LAMP1: variants seen among roughly 807,000 people sequenced by gnomAD.
LAMP1 encodes lysosome associated membrane protein 1.
A neutral mutation model predicts 37.5 loss-of-function variants in LAMP1; 7 were observed. The observed-to-expected ratio is 0.19, with a 90% CI of 0.11 to 0.35. The LOEUF (loss-of-function observed/expected upper bound fraction) is 0.35. Ranked by LOEUF, LAMP1 falls within the 10% of genes least tolerant of loss-of-function variation. The pLI is 1.00. For missense variants in LAMP1, 537 were observed against 552.8 expected, an observed-to-expected ratio of 0.97 and a Z score of 0.29; for synonymous variants, 236 against 229.1, an observed-to-expected ratio of 1.03 and a Z score of -0.27.
chr13:113,305,929 A>C (rs2042595910), intron 1 of LAMP1: 1 of 152,552 alleles, frequency 6.6e-6, no homozygotes, highest in Non-Finnish European at 1.5e-5. Context: ...TAAAGCACTA[A>C]ATAGCAATAG....
chr13:113,308,324 C>CTTTTTTTT (rs71101565), intron 2 of LAMP1, among the ~76,000 whole-genome samples: 5 of 60,436 alleles, frequency 8.3e-5, no homozygotes, highest in African/African-American at 1.4e-4. Context: ...CCTCCAAGCA[C>CTTTTTTTT]TTTTTTTTTT....
Position 113,319,739 on chromosome 13 carries a change from C to G in LAMP1, c.750+83C>G, listed in dbSNP as rs570143580. On this transcript the variant is annotated intron_variant, in intron 5 of 8. Coordinates refer to ENST00000332556, the MANE Select transcript of LAMP1 (RefSeq NM_005561.4). ...CTCCCTGTGCACTGAGAACACGCGT[C>G]TCTGCACGTCATGCTGTTAAGTCAG... The G allele has an allele frequency of 2.5e-5, 32 of 1,281,900 alleles. No homozygotes were observed. In the African/African-American group the frequency reaches 4.4e-4, roughly 18 times the overall value. 79.4% of individuals were successfully genotyped at this position (1,281,900 alleles called of 1,614,324 possible).
chr13:113,306,918 C>T (rs1459163214), intron 2 of LAMP1, among the ~76,000 whole-genome samples: 1 of 138,972 alleles, frequency 7.2e-6, no homozygotes, highest in Admixed American at 8.1e-5. Context: ...CTGCTCACTG[C>T]AAGCTCCGCC....
intron 2 of LAMP1, among the ~76,000 whole-genome samples, chr13:113,307,564 T>G (rs1401522981): frequency 6.6e-6 from 1 of 152,170 alleles, no homozygotes; most frequent in Non-Finnish European, 1.5e-5. Context: ...TAAGTTGTCT[T>G]GAATCTTTTT....
chr13:113,300,603 G>A (rs987506949), intron 1 of LAMP1, among the ~76,000 whole-genome samples: 12 of 151,650 alleles, frequency 7.9e-5, no homozygotes, highest in Admixed American at 1.3e-4. Context: ...TCAAGAGATC[G>A]AGACCATCCT....
At chr13:113,314,198 C>T (rs1384202943) in intron 4 of LAMP1, among the ~76,000 whole-genome samples, 2 of 116,094 alleles carry the variant, frequency 1.7e-5, no homozygotes, top group Admixed American at 1.6e-4. Flanking sequence ...GTGGAGATGC[C>T]CGTGTGCCTG....
At chr13:113,313,155 C>T (rs1341637509) in intron 4 of LAMP1, among the ~76,000 whole-genome samples, 1 of 152,138 alleles carries the variant, frequency 6.6e-6, no homozygotes, top group Non-Finnish European at 1.5e-5. Context: ...CATGACCGCT[C>T]ACTCACTCCT....
At chr13:113,306,834 C>CTTTTCTTT (rs1555311185) in intron 2 of LAMP1, among the ~76,000 whole-genome samples, 1 of 80,142 alleles carries the variant, frequency 1.2e-5, no homozygotes. Flanking sequence ...GAACATTTTC[C>CTTTTCTTT]TTTTTTTTTT....
At chr13:113,301,640 AAAAAATATATATATATATATATAT>A (rs1355620393) in intron 1 of LAMP1, among the ~76,000 whole-genome samples, 7,882 of 75,000 alleles carry the variant, frequency 0.11, 971 homozygotes, top group South Asian at 0.28. Flanking sequence ...AAAAAAAAAA[AAAAAATATATATATATATATATAT>A]ATATATATAT....
intron 2 of LAMP1, among the ~76,000 whole-genome samples, chr13:113,308,006 G>A (rs1595459099): frequency 1.4e-5 from 2 of 142,824 alleles, no homozygotes. Flanking sequence ...ATAAATACTT[G>A]TCAAAGCCTT....
At position 113,309,946 on chromosome 13, in the gene LAMP1, A is replaced by G. The variant is rs894536822; in HGVS notation, c.403+84A>G. 3 of 1,117,338 alleles carry G rather than the reference A, an allele frequency of 2.7e-6. No homozygotes were observed. In the African/African-American group the frequency reaches 4.6e-5, roughly 17 times the overall value. 69.2% of individuals were successfully genotyped at this position (1,117,338 alleles called of 1,614,324 possible). On this transcript the variant is annotated intron_variant, in intron 3 of 8. Coordinates refer to ENST00000332556, the MANE Select transcript of LAMP1 (RefSeq NM_005561.4). ...AAAGTTACTTTTACCTAAGAAGTAC[A>G]GGCTGGGTGTGGTGGCTCACACCTG... is the stretch of plus-strand genomic sequence containing the variant.
chr13:113,303,834 G>T (rs897763302), intron 1 of LAMP1, among the ~76,000 whole-genome samples: 3 of 152,178 alleles, frequency 2.0e-5, no homozygotes. Flanking sequence ...CCAGCACTTT[G>T]TGAGGCTGAG....
chr13:113,320,721 G>C lies in LAMP1; in HGVS notation c.876+251G>C. Reference sequence around the variant, plus strand: ...GAGTGGCTGCAGGGGAGGGCATGCAGGCCGTGCGGCCTTCTGGCTTCAGAT... The same window carrying C: ...GAGTGGCTGCAGGGGAGGGCATGCACGCCGTGCGGCCTTCTGGCTTCAGAT... On this transcript the variant is annotated intron_variant, in intron 6 of 8. Coordinates refer to ENST00000332556, the MANE Select transcript of LAMP1 (RefSeq NM_005561.4). This position sits in a 1 kb window ranked among gnomAD's most constrained non-coding sequence, Gnocchi z 4.4. 2.0e-6 allele frequency: 1 copy of C among 494,374 alleles called. No individual in the cohort carries two copies. The highest frequency in any genetic ancestry group is 3.3e-5 in the East Asian group (1 of 30,278). 30.6% of individuals were successfully genotyped at this position (494,374 alleles called of 1,614,324 possible). A position where few individuals can be genotyped will look rare whatever the true frequency, so the allele number is the denominator to read the frequency against.
At chr13:113,310,399 G>A (rs111537083) in intron 3 of LAMP1, among the ~76,000 whole-genome samples, 31 of 148,266 alleles carry the variant, frequency 2.1e-4, no homozygotes, top group African/African-American at 7.8e-4. Flanking sequence ...GGTGGCGCGC[G>A]CCTGTAGTCC....
intron 4 of LAMP1, among the ~76,000 whole-genome samples, chr13:113,316,328 C>T (rs2042663723): frequency 6.6e-6 from 1 of 151,976 alleles, no homozygotes; most frequent in Non-Finnish European, 1.5e-5. Context: ...CTGATAGGTG[C>T]ACGCTTGTTG....
At chr13:113,303,129 C>G (rs1320930828) in intron 1 of LAMP1, among the ~76,000 whole-genome samples, 1 of 152,226 alleles carries the variant, frequency 6.6e-6, no homozygotes, top group Non-Finnish European at 1.5e-5. Flanking sequence ...GCTGCTCCGA[C>G]AGCCCTGAGG....
chr13:113,299,463 C>T (rs1262831248), intron 1 of LAMP1, among the ~76,000 whole-genome samples: 2 of 151,902 alleles, frequency 1.3e-5, no homozygotes, highest in Non-Finnish European at 2.9e-5. Flanking sequence ...CTAGGTTTAA[C>T]TATGTTGGTT....
chr13:113,306,353 C>A (rs1191245278), intron 1 of LAMP1, 132 bp from the exon 2 acceptor site: 143 of 748,766 alleles, frequency 1.9e-4, no homozygotes, highest in African/African-American at 3.9e-4. Flanking sequence ...GACTCCGTCT[C>A]AAAAAAAAAA....
chr13:113,305,714 A>G (rs1044596062), intron 1 of LAMP1: 1 of 152,238 alleles, frequency 6.6e-6, no homozygotes, highest in Non-Finnish European at 1.5e-5. Context: ...CTTTGAGTCC[A>G]TGAGAAATAA....
Sources: gnomAD v4.1 joint callset for allele counts (sites outside exome capture counted in the v4.1 genomes callset) on GRCh38, gnomAD v4.1.1 for gene constraint, Gnocchi (gnomAD v3.1) non-coding constraint, MANE v1.5 for transcripts, NCBI Gene and HGNC (gene_info 2026-07-23, HGNC 2026-07-21) for gene names.